ACACB: variants seen among roughly 807,000 people sequenced by gnomAD.
ACACB encodes acetyl-CoA carboxylase 2.
In ACACB, 209 loss-of-function variants were observed where a neutral mutation model predicts 278.8. That is an observed-to-expected ratio of 0.75 (90% CI 0.67 to 0.84). ACACB has a LOEUF of 0.84. Among genes scored for constraint, ACACB ranks in the 40% least tolerant of loss-of-function variants. The pLI, the probability that ACACB is intolerant of heterozygous loss-of-function variation, is 0.00. For missense variants in ACACB, 2,850 were observed against 3,269.0 expected (o/e 0.87, Z 3.13); for synonymous variants, 1,174 against 1,285.6 (o/e 0.91, Z 1.86).
intron 41 of ACACB, among the ~76,000 whole-genome samples, chr12:109,251,051 C>T (rs2047081250): frequency 6.6e-6 from 1 of 152,172 alleles, no homozygotes; most frequent in Non-Finnish European, 1.5e-5. Flanking sequence ...TGCATGCTCA[C>T]TTGAGGCTTT....
chr12:109,222,468 T>G (rs1395450400), intron 24 of ACACB, 39 bp from the exon 25 acceptor site: 1 of 1,587,326 alleles, frequency 6.3e-7, no homozygotes, highest in African/African-American at 1.3e-5. Flanking sequence ...TTCCCTGGGC[T>G]GGAGAAAAGC....
chr12:109,167,736 C>T (rs2043966739), intron 3 of ACACB, among the ~76,000 whole-genome samples, 160 bp from the exon 4 acceptor site: 2 of 147,190 alleles, frequency 1.4e-5, no homozygotes, highest in South Asian at 4.3e-4. Flanking sequence ...CTGCTCTGTG[C>T]TGGGGTGTGT....
intron 24 of ACACB, among the ~76,000 whole-genome samples, chr12:109,221,894 T>TGGGG (rs1555225730): frequency 4.7e-5 from 6 of 128,306 alleles, no homozygotes; most frequent in African/African-American, 1.6e-4. Flanking sequence ...TTTTTTTTTT[T>TGGGG]GGGGGGGAGA....
At chr12:109,161,779 T>C (rs1214100577) in intron 2 of ACACB, among the ~76,000 whole-genome samples, 1 of 151,884 alleles carries the variant, frequency 6.6e-6, no homozygotes, top group East Asian at 1.9e-4. Context: ...TACCTACATG[T>C]ATACATGGGT....
At chr12:109,144,330 A>G (rs1202556203) in intron 2 of ACACB, among the ~76,000 whole-genome samples, 1 of 152,118 alleles carries the variant, frequency 6.6e-6, no homozygotes, top group Non-Finnish European at 1.5e-5. Flanking sequence ...AAATAAATAA[A>G]TAAAATGAGG....
At chr12:109,156,975 A>G (rs7973985) in intron 2 of ACACB, among the ~76,000 whole-genome samples, 68,906 of 151,304 alleles carry the variant, frequency 0.46, 17,142 homozygotes, top group Middle Eastern at 0.67. Flanking sequence ...CTAAGTGGAG[A>G]GTGTTGTACC....
intron 18 of ACACB, 147 bp from the exon 19 acceptor site, chr12:109,201,420 C>A: frequency 1.1e-6 from 1 of 937,012 alleles, no homozygotes; most frequent in Non-Finnish European, 1.6e-6. Context: ...TTCCTTGTAC[C>A]TTCTGCCTGA....
chr12:109,164,875 G>T (rs1178983696), intron 2 of ACACB, among the ~76,000 whole-genome samples: 2 of 151,664 alleles, frequency 1.3e-5, no homozygotes, highest in African/African-American at 4.8e-5. Flanking sequence ...GAGCCACCAC[G>T]CCTGGCCCTG....
chr12:109,189,325 G>C (rs146547331), intron 13 of ACACB, among the ~76,000 whole-genome samples: 2 of 152,214 alleles, frequency 1.3e-5, no homozygotes, highest in African/African-American at 2.4e-5. Flanking sequence ...CATGCTTAGT[G>C]AAAAATCAAG....
intron 35 of ACACB, 112 bp from the exon 36 acceptor site, chr12:109,240,966 C>T (rs1026919871): frequency 1.4e-5 from 14 of 984,224 alleles, no homozygotes; most frequent in Non-Finnish European, 2.2e-5. Flanking sequence ...CACACTATGT[C>T]CCAGGCGTTT....
Position 109,210,165 on chromosome 12 carries a change from A to ATGTG in ACACB, c.3249+815_3249+816insGTGT, listed in dbSNP as rs1301230419. On this transcript the variant is annotated intron_variant, in intron 21 of 52. Coordinates refer to ENST00000338432, the MANE Select transcript of ACACB (RefSeq NM_001093.4). Reference sequence around the variant, plus strand: ...TATGTATATATACACACGTGTGTATATGTATATATGTATATATACACACGT... The same window carrying ATGTG: ...TATGTATATATACACACGTGTGTATATGTGTGTATATATGTATATATACACACGT... 4.6e-5 allele frequency among the ~76,000 whole-genome samples: 2 copies of ATGTG among 43,806 alleles called. 1 individual carries two copies. Among genetic ancestry groups the ATGTG allele is most frequent in the Non-Finnish European group, 9.0e-5 (2 of 22,238 alleles). The allele number at this position is 43,806 out of a possible 152,430, so 28.7% of individuals were successfully genotyped here.
intron 2 of ACACB, among the ~76,000 whole-genome samples, chr12:109,156,606 G>T (rs369180180): frequency 1.4e-5 from 2 of 139,264 alleles, no homozygotes; most frequent in East Asian, 2.1e-4. Flanking sequence ...TTTTTTTTTG[G>T]GGGGGGGCTA....
At chr12:109,199,115 G>A (rs957175253) in intron 17 of ACACB, among the ~76,000 whole-genome samples, 2 of 152,004 alleles carry the variant, frequency 1.3e-5, no homozygotes, top group Non-Finnish European at 2.9e-5. Context: ...GCGTGAACCC[G>A]GGAGGCGGAG....
chr12:109,205,906 A>G (rs1025526032), intron 19 of ACACB, among the ~76,000 whole-genome samples: 1 of 152,138 alleles, frequency 6.6e-6, no homozygotes, highest in African/African-American at 2.4e-5. Context: ...TATTTGTAGA[A>G]TGAATGAGTA....
At chr12:109,126,235 T>G (rs2042675923) in intron 1 of ACACB, among the ~76,000 whole-genome samples, 1 of 152,230 alleles carries the variant, frequency 6.6e-6, no homozygotes, top group African/African-American at 2.4e-5. Context: ...AGTGAGAGGC[T>G]AGCCAGACAG....
At chr12:109,177,241 T>C (rs1457975839) in intron 9 of ACACB, among the ~76,000 whole-genome samples, 2 of 152,276 alleles carry the variant, frequency 1.3e-5, no homozygotes, top group Non-Finnish European at 2.9e-5. Context: ...GCAATAGCCT[T>C]ATTTATGAAA....
chr12:109,220,352 T>A (rs1446915643), intron 24 of ACACB, among the ~76,000 whole-genome samples: 5 of 152,214 alleles, frequency 3.3e-5, no homozygotes, highest in Admixed American at 1.3e-4. Flanking sequence ...CAAAGACTTG[T>A]GAATTGAATG....
chr12:109,252,728 G>T, intron 42 of ACACB: 1 of 256,476 alleles, frequency 3.9e-6, no homozygotes, highest in Non-Finnish European at 7.4e-6. Flanking sequence ...ACTAGCTAGG[G>T]TTTTGCTTTT....
intron 2 of ACACB, among the ~76,000 whole-genome samples, chr12:109,145,809 G>A (rs1478986833): frequency 6.6e-6 from 1 of 151,512 alleles, no homozygotes; most frequent in East Asian, 1.9e-4. Context: ...GACCAGCCTG[G>A]CCAACACGGC....
Sources: allele counts gnomAD v4.1 joint callset (sites outside exome capture counted in the v4.1 genomes callset), GRCh38; gene constraint gnomAD v4.1.1; transcripts MANE v1.5; gene names NCBI Gene and HGNC (gene_info 2026-07-23, HGNC 2026-07-21).